Variants in SASH1 observed in about 807,000 individuals in gnomAD.
SASH1 encodes the protein SAM and SH3 domain-containing protein 1.
SASH1 carries 44 observed loss-of-function variants against 125.2 expected under a neutral mutation model. That is an observed-to-expected ratio of 0.35 (90% CI 0.28 to 0.45). The LOEUF (loss-of-function observed/expected upper bound fraction) is 0.45. Among genes scored for constraint, SASH1 ranks in the 20% least tolerant of loss-of-function variants. SASH1 has a pLI of 1.00. For synonymous variants in SASH1, 639 were observed against 649.1 expected, an observed-to-expected ratio of 0.98 and a Z score of 0.24; for missense variants, 1,426 against 1,614.5, an observed-to-expected ratio of 0.88 and a Z score of 2.00.
At chr6:148,295,139 A>G (rs571287285) in intron 1 of SASH1, among the ~76,000 whole-genome samples, 2 of 152,166 alleles carry the variant, frequency 1.3e-5, no homozygotes, top group Non-Finnish European at 2.9e-5. Flanking sequence ...CATTTTATAG[A>G]TGAGTAAACT....
At position 148,519,575 on chromosome 6, in the gene SASH1, G is replaced by A. The variant is rs545065285; in HGVS notation, c.891G>A (p.Ser297=). ...EGGEEHVFEN[S]PVLDERSALY... is the part of the protein sequence containing the mutation. The stretch of plus-strand genomic sequence containing the variant: ...GGGAGGAGCACGTGTTTGAGAATTC[G>A]CCGGTCCTGGATGAACGGTCCGCCC... Residue 297 remains serine (S), a synonymous_variant, in exon 10 of 20, where the codon TCG becomes TCA. Coordinates refer to ENST00000367467, the MANE Select transcript of SASH1 (RefSeq NM_015278.5). The surrounding 1 kb of genome is among the most constrained non-coding windows in gnomAD (Gnocchi z 4.8). The A allele has an allele frequency of 2.9e-5, 46 of 1,613,994 alleles. No individual in the cohort carries two copies. The highest frequency in any genetic ancestry group is 2.6e-4 in the South Asian group (24 of 91,074).
At position 148,465,943 on chromosome 6, in the gene SASH1, C is replaced by T. The variant is rs552040289; in HGVS notation, c.387-2602C>T. Among the ~76,000 whole-genome samples, 187 of 152,260 alleles carry T rather than the reference C, an allele frequency of 1.2e-3. 2 individuals are homozygous for T. The highest frequency in any genetic ancestry group is 2.2e-3 in the Non-Finnish European group (149 of 68,018). On this transcript the variant is annotated intron_variant, in intron 4 of 19. Transcript: ENST00000367467. ...TTCTTATGCTTTTTTGTTCCTGTCT[C>T]CCTCCGTCTCTAACCTGTGGCTCCC... is the stretch of plus-strand genomic sequence containing the variant.
At chr6:148,198,749 ATTG>A in the SASH1 span, among the ~76,000 whole-genome samples, 939 of 152,300 alleles carry the variant, frequency 6.2e-3, 5 homozygotes, top group African/African-American at 0.021. Context: ...GGTTTTTATA[ATTG>A]TTGTTGTTTT....
intron 8 of SASH1, among the ~76,000 whole-genome samples, chr6:148,508,050 G>A (rs536474490): frequency 1.3e-5 from 2 of 152,270 alleles, no homozygotes; most frequent in South Asian, 2.1e-4. Flanking sequence ...CTTGTGACAC[G>A]GTCCTCATGC....
intron 1 of SASH1, among the ~76,000 whole-genome samples, chr6:148,296,702 G>C (rs76375267): frequency 0.018 from 2,808 of 152,264 alleles, 84 homozygotes; most frequent in African/African-American, 0.064. Flanking sequence ...TTTATCTAGA[G>C]TGTTACACGT....
At chr6:148,358,836 C>T (rs6915758) in intron 1 of SASH1, among the ~76,000 whole-genome samples, 7 of 149,400 alleles carry the variant, frequency 4.7e-5, no homozygotes, top group Non-Finnish European at 8.9e-5. Flanking sequence ...CCCGGGTTCA[C>T]GCCATTCTCC....
chr6:148,264,842 A>G, the SASH1 span, among the ~76,000 whole-genome samples: 1 of 152,198 alleles, frequency 6.6e-6, no homozygotes, highest in Non-Finnish European at 1.5e-5. Flanking sequence ...CTTTTGAAAA[A>G]TTGAGCACAG....
At chr6:148,314,820 G>A (rs1206658000) in intron 1 of SASH1, among the ~76,000 whole-genome samples, 4 of 149,020 alleles carry the variant, frequency 2.7e-5, no homozygotes, top group African/African-American at 5.0e-5. Flanking sequence ...GCAGTGCCGC[G>A]ATCTTGGCTC....
chr6:148,449,079 T>TTTTTCTTTTTTTTTTTC (rs1554258785), intron 4 of SASH1, among the ~76,000 whole-genome samples: 4,366 of 61,286 alleles, frequency 0.071, 477 homozygotes, highest in African/African-American at 0.2. Flanking sequence ...ATTTCATTTC[T>TTTTTCTTTTTTTTTTTC]TTTTTTTTTT....
Position 148,548,758 on chromosome 6 carries a change from G to T in SASH1, c.*200G>T. 1.9e-6 allele frequency: 1 copy of T among 538,620 alleles called. No homozygotes were observed. The highest frequency in any genetic ancestry group is 3.2e-6 in the Non-Finnish European group (1 of 316,846). The allele number at this position is 538,620 out of a possible 1,614,324, so 33.4% of individuals were successfully genotyped here. A position where few individuals can be genotyped will look rare whatever the true frequency, so the allele number is the denominator to read the frequency against. On this transcript the variant is annotated 3_prime_UTR_variant, in exon 20 of 20. Transcript: ENST00000367467. ...AGCCCCCTCGAGGAAATAAATTAGTGCGGTTCTCTTTGACCCCCAAAGACA... is the reference window on the plus strand; with the variant it reads ...AGCCCCCTCGAGGAAATAAATTAGTTCGGTTCTCTTTGACCCCCAAAGACA...
At chr6:148,286,210 G>A (rs1779478072) in intron 1 of SASH1, among the ~76,000 whole-genome samples, 1 of 151,138 alleles carries the variant, frequency 6.6e-6, no homozygotes, top group African/African-American at 2.4e-5. Flanking sequence ...AAAAGACTTT[G>A]TCTCTAAAAA....
intron 1 of SASH1, among the ~76,000 whole-genome samples, chr6:148,359,328 T>TTTTG (rs1782095617): frequency 6.7e-6 from 1 of 148,910 alleles, no homozygotes; most frequent in Admixed American, 6.6e-5. Flanking sequence ...TTGGCCGGTT[T>TTTTG]TTTTTTTTTT....
Position 148,532,854 on chromosome 6 carries a change from C to T in SASH1, c.1622C>T (p.Ser541Leu), listed in dbSNP as rs374834604. The T allele has an allele frequency of 4.3e-6, 7 of 1,614,212 alleles. No homozygotes were observed. The highest frequency in any genetic ancestry group is 1.6e-4 in the Middle Eastern group (1 of 6,062). ...SSTSNRESVK[S>L]EDGDDEEPPY... ...ACCAGCAACCGGGAAAGCGTCAAGT[C>T]GGAAGATGGGGATGACGAAGAGCCG... The change falls in exon 14 of 20, where the codon TCG (serine) becomes TTG (leucine). Residue 541 changes from serine to leucine, a missense_variant. Ser to Leu is a moderately radical substitution (Grantham distance 145). This residue lies in a region of SASH1 where 225 missense variants were observed against 344.5 expected (regional missense o/e 0.65). Coordinates refer to ENST00000367467, the MANE Select transcript of SASH1 (RefSeq NM_015278.5). This position sits in a 1 kb window ranked among gnomAD's most constrained non-coding sequence, Gnocchi z 4.7.
At chr6:148,459,189 G>C (rs750706606) in intron 4 of SASH1, among the ~76,000 whole-genome samples, 7 of 152,104 alleles carry the variant, frequency 4.6e-5, no homozygotes, top group African/African-American at 2.4e-5. Flanking sequence ...AACTTCTTAT[G>C]CAGTTCAGAC....
At chr6:148,432,211 G>A (rs1219881364) in intron 2 of SASH1, among the ~76,000 whole-genome samples, 3 of 152,132 alleles carry the variant, frequency 2.0e-5, no homozygotes, top group African/African-American at 7.2e-5. Context: ...CCGACCTCAG[G>A]TGATCTGCCT....
intron 1 of SASH1, among the ~76,000 whole-genome samples, chr6:148,327,014 T>C (rs1356021168): frequency 3.3e-5 from 5 of 152,182 alleles, no homozygotes; most frequent in African/African-American, 1.2e-4. Context: ...TGGTGAATCT[T>C]GTGCTCCTCA....
upstream of SASH1, among the ~76,000 whole-genome samples, chr6:148,339,846 G>A (rs79096167): frequency 6.6e-5 from 10 of 152,234 alleles, no homozygotes; most frequent in East Asian, 1.9e-3. Context: ...TGCCCGGCCC[G>A]TTTAATTACA....
At chr6:148,471,773 A>G (rs1778131049) in intron 6 of SASH1, among the ~76,000 whole-genome samples, 1 of 152,168 alleles carries the variant, frequency 6.6e-6, no homozygotes. Flanking sequence ...TCGTTTCCTC[A>G]GTTGCACCAA....
intron 2 of SASH1, among the ~76,000 whole-genome samples, chr6:148,408,899 A>G (rs973327616): frequency 1.3e-5 from 2 of 152,208 alleles, no homozygotes; most frequent in Non-Finnish European, 2.9e-5. Context: ...ACATAGTCGC[A>G]TAAATTGAAG....
Sources: gnomAD v4.1 joint callset for allele counts (sites outside exome capture counted in the v4.1 genomes callset) on GRCh38, gnomAD v4.1.1 for gene constraint, gnomAD v4.1.1 regional missense constraint, Gnocchi (gnomAD v3.1) non-coding constraint, MANE v1.5 for transcripts, NCBI Gene and HGNC (gene_info 2026-07-23, HGNC 2026-07-21) for gene names.